Variants in CDYL2 observed in about 807,000 individuals in gnomAD.
CDYL2 encodes chromodomain Y like 2.
CDYL2 carries 23 observed loss-of-function variants against 49.4 expected under a neutral mutation model. The observed-to-expected ratio is 0.47, with a 90% CI of 0.34 to 0.66. The LOEUF is 0.66. CDYL2 is among the 30% of genes least tolerant of loss of function. The pLI, the probability that CDYL2 is intolerant of heterozygous loss-of-function variation, is 0.01. For missense variants in CDYL2, 678 were observed against 656.4 expected, an observed-to-expected ratio of 1.03 and a Z score of -0.36; for synonymous variants, 360 against 268.8, an observed-to-expected ratio of 1.34 and a Z score of -3.32.
chr16:80,733,320 A>T (rs560785494), intron 1 of CDYL2, among the ~76,000 whole-genome samples: 1 of 152,362 alleles, frequency 6.6e-6, no homozygotes, highest in South Asian at 2.1e-4. Flanking sequence ...GGGAGCGGTC[A>T]GGGATGGAAT....
intron 1 of CDYL2, among the ~76,000 whole-genome samples, chr16:80,771,376 A>C (rs770557833): frequency 4.6e-5 from 7 of 152,230 alleles, no homozygotes; most frequent in Admixed American, 6.5e-5. Flanking sequence ...TATTATGTCC[A>C]ATGAACTAAA....
chr16:80,699,675 T>C (rs1373035831), intron 1 of CDYL2, among the ~76,000 whole-genome samples: 1 of 152,224 alleles, frequency 6.6e-6, no homozygotes, highest in Non-Finnish European at 1.5e-5. Flanking sequence ...TTTTTACTAT[T>C]CTCAACACAA....
intron 1 of CDYL2, among the ~76,000 whole-genome samples, chr16:80,691,269 T>G (rs925410558): frequency 6.6e-6 from 1 of 152,096 alleles, no homozygotes; most frequent in Non-Finnish European, 1.5e-5. Context: ...GGTTACAACT[T>G]GGGGTATGAA....
chr16:80,707,474 G>C (rs1904445368), intron 1 of CDYL2, among the ~76,000 whole-genome samples: 1 of 152,096 alleles, frequency 6.6e-6, no homozygotes, highest in Admixed American at 6.6e-5. Context: ...AAAAAGAAAA[G>C]AAGAAAGTAT....
In CDYL2 at chr16:80,647,193, T is replaced by C. The variant is rs542932741; in HGVS notation, c.617-13957A>G. Reference sequence around the variant, plus strand: ...TACAATAAAAACTATAAAATACTGATGAAAGAAATTGAAGAGGATGCCAAA... The same window carrying C: ...TACAATAAAAACTATAAAATACTGACGAAAGAAATTGAAGAGGATGCCAAA... On this transcript the variant is annotated intron_variant, in intron 2 of 6. Coordinates refer to ENST00000570137, the MANE Select transcript of CDYL2 (RefSeq NM_152342.4). Among the ~76,000 whole-genome samples, 4 of 152,204 alleles carry C rather than the reference T, an allele frequency of 2.6e-5. No individual in the cohort carries two copies. The East Asian group carries it at 7.7e-4, about 29-fold the overall frequency.
At chr16:80,794,964 T>A (rs1907726482) in intron 1 of CDYL2, among the ~76,000 whole-genome samples, 1 of 152,160 alleles carries the variant, frequency 6.6e-6, no homozygotes, top group Non-Finnish European at 1.5e-5. Context: ...ACCACCATAG[T>A]TCTAGGTCCA....
Position 80,675,565 on chromosome 16 carries a change from GT to G in CDYL2, c.616+8972del, listed in dbSNP as rs528614743. On this transcript the variant is annotated intron_variant, in intron 2 of 6. Transcript: ENST00000570137. ...TGGCTGCTTTGTGTGAGGAGTCAGG[GT>G]GGAGGAAGGCCCTGGGATCCACCTC... Among the ~76,000 whole-genome samples, 6 of 152,288 alleles carry G rather than the reference GT, an allele frequency of 3.9e-5. No individual in the cohort carries two copies. In the South Asian group the frequency reaches 1.2e-3, roughly 32 times the overall value.
At chr16:80,796,310 T>A (rs796669186) in intron 1 of CDYL2, among the ~76,000 whole-genome samples, 32 of 152,328 alleles carry the variant, frequency 2.1e-4, no homozygotes, top group African/African-American at 7.5e-4. Context: ...CAACTGATTA[T>A]GAACTGTAAT....
intron 2 of CDYL2, among the ~76,000 whole-genome samples, chr16:80,654,574 T>C (rs1237774433): frequency 6.6e-6 from 1 of 152,148 alleles, no homozygotes; most frequent in Non-Finnish European, 1.5e-5. Flanking sequence ...CCCCTCTGCA[T>C]ACAGGGCCCT....
intron 1 of CDYL2, among the ~76,000 whole-genome samples, chr16:80,739,545 C>T (rs112186465): frequency 1.2e-4 from 19 of 152,248 alleles, no homozygotes; most frequent in African/African-American, 3.8e-4. Flanking sequence ...TAAGCCCCAG[C>T]GGGGCAGATT....
At chr16:80,798,196 A>G (rs919395917) in intron 1 of CDYL2, among the ~76,000 whole-genome samples, 17 of 152,132 alleles carry the variant, frequency 1.1e-4, no homozygotes, top group Non-Finnish European at 1.8e-4. Context: ...ACATACCATC[A>G]TGCCCAATAA....
intron 2 of CDYL2, among the ~76,000 whole-genome samples, chr16:80,680,097 A>G (rs1261837520): frequency 3.3e-5 from 5 of 152,236 alleles, no homozygotes. Flanking sequence ...ATGTTGAAAG[A>G]GTGAGTAGGA....
At chr16:80,758,659 C>T (rs1026574425) in intron 1 of CDYL2, among the ~76,000 whole-genome samples, 1 of 151,298 alleles carries the variant, frequency 6.6e-6, no homozygotes, top group Non-Finnish European at 1.5e-5. Context: ...TCTCCTGCCT[C>T]AGCCTCCCGA....
At chr16:80,787,444 T>G (rs538584096) in intron 1 of CDYL2, among the ~76,000 whole-genome samples, 4 of 152,288 alleles carry the variant, frequency 2.6e-5, no homozygotes, top group South Asian at 4.1e-4. Flanking sequence ...AGGTACTGGG[T>G]GATCATAAGG....
chr16:80,658,758 G>T (rs1908915076), intron 2 of CDYL2, among the ~76,000 whole-genome samples: 3 of 152,186 alleles, frequency 2.0e-5, no homozygotes, highest in Non-Finnish European at 4.4e-5. Flanking sequence ...GATCCCACAT[G>T]TTGGTTTCTA....
At position 80,608,253 on chromosome 16, in the gene CDYL2, G is replaced by C; in HGVS notation, c.1219-18C>G. ...TCATTGGCCTGAAAAAGCAAAAGCA[G>C]GCAAAGACTGAGGGCCTGGAGGTCC... On this transcript the variant is annotated intron_variant, in intron 5 of 6. Transcript: ENST00000570137. 6.5e-7 allele frequency: 1 copy of C among 1,548,398 alleles called. No individual in the cohort carries two copies. The highest frequency in any genetic ancestry group is 8.7e-7 in the Non-Finnish European group (1 of 1,144,430).
chr16:80,797,644 G>C (rs58876685), intron 1 of CDYL2, among the ~76,000 whole-genome samples: 36,114 of 151,870 alleles, frequency 0.24, 5,246 homozygotes, highest in African/African-American at 0.41. Flanking sequence ...TAACTCCAAA[G>C]TTTATTTCAT....
At chr16:80,722,830 T>C (rs1340845269) in intron 1 of CDYL2, among the ~76,000 whole-genome samples, 1 of 152,194 alleles carries the variant, frequency 6.6e-6, no homozygotes, top group African/African-American at 2.4e-5. Context: ...GCCCTACTCA[T>C]GAGCATACCT....
chr16:80,800,379 A>G (rs1907889427), intron 1 of CDYL2, among the ~76,000 whole-genome samples: 1 of 152,220 alleles, frequency 6.6e-6, no homozygotes, highest in Non-Finnish European at 1.5e-5. Context: ...CAATGTGGAC[A>G]CGGCAAAGGC....
Sources: allele counts gnomAD v4.1 joint callset (sites outside exome capture counted in the v4.1 genomes callset), GRCh38; gene constraint gnomAD v4.1.1; transcripts MANE v1.5; gene names NCBI Gene and HGNC (gene_info 2026-07-23, HGNC 2026-07-21).